ITGAE: variants seen among roughly 807,000 people sequenced by gnomAD.
ITGAE encodes integrin subunit alpha E, also known as integrin alpha-E.
ITGAE carries 99 observed loss-of-function variants against 136.5 expected under a neutral mutation model. The observed-to-expected ratio is 0.73, with a 90% CI of 0.62 to 0.86. ITGAE has a LOEUF of 0.86. Ranked by LOEUF, ITGAE falls within the 40% of genes least tolerant of loss-of-function variation. The pLI is 0.00. For synonymous variants in ITGAE, 613 were observed against 591.8 expected (o/e 1.04, Z -0.52); for missense variants, 1,447 against 1,515.3 (o/e 0.95, Z 0.75).
intron 20 of ITGAE, 111 bp from the exon 21 acceptor site, chr17:3,735,060 C>G (rs2051431371): frequency 1.7e-6 from 2 of 1,204,726 alleles, no homozygotes; most frequent in Non-Finnish European, 2.4e-6. Flanking sequence ...GTGCAATGAT[C>G]ACGGCTCACC....
intron 8 of ITGAE, among the ~76,000 whole-genome samples, chr17:3,759,044 G>A (rs1391859725): frequency 6.6e-6 from 1 of 150,422 alleles, no homozygotes; most frequent in Admixed American, 6.7e-5. Flanking sequence ...AGAATGGTGT[G>A]AACCTGGGAG....
At chr17:3,744,296 G>A (rs2051659982) in intron 18 of ITGAE, among the ~76,000 whole-genome samples, 1 of 152,138 alleles carries the variant, frequency 6.6e-6, no homozygotes, top group Non-Finnish European at 1.5e-5. Context: ...CAAGCAAGCT[G>A]CCAAGTGCTT....
intron 9 of ITGAE, 122 bp from the exon 10 acceptor site, chr17:3,757,256 T>C: frequency 8.2e-7 from 1 of 1,218,766 alleles, no homozygotes; most frequent in Non-Finnish European, 1.2e-6. Context: ...CCTTCCTTTC[T>C]CCTCCTTTCC....
At chr17:3,731,007 G>A in intron 23 of ITGAE, 97 bp downstream of exon 23, 1 of 933,842 alleles carries the variant, frequency 1.1e-6, no homozygotes, top group Non-Finnish European at 1.7e-6. Flanking sequence ...TTTCTCCCTG[G>A]GCTGTAAGGG....
At position 3,718,273 on chromosome 17, in the gene ITGAE, T is replaced by G. The variant is rs535501925; in HGVS notation, c.3334-1475A>C. 6 of 152,366 alleles carry G rather than the reference T, an allele frequency of 3.9e-5. No individual in the cohort carries two copies. The South Asian group carries it at 1.2e-3, about 32-fold the overall frequency. The allele number at this position is 152,366 out of a possible 1,614,324, so 9.4% of individuals were successfully genotyped here. A position where few individuals can be genotyped will look rare whatever the true frequency, so the allele number is the denominator to read the frequency against. On this transcript the variant is annotated intron_variant, in intron 29 of 30. Coordinates refer to ENST00000263087, the MANE Select transcript of ITGAE (RefSeq NM_002208.5). ...TCTCCTGGGAGCTTTTGGAAACTGTTTCATCCCTGAAAAGGGAAGGCACAT... is the reference window on the plus strand; with the variant it reads ...TCTCCTGGGAGCTTTTGGAAACTGTGTCATCCCTGAAAAGGGAAGGCACAT...
intron 1 of ITGAE, among the ~76,000 whole-genome samples, chr17:3,785,938 C>T (rs1442955706): frequency 6.6e-6 from 1 of 151,830 alleles, no homozygotes; most frequent in Non-Finnish European, 1.5e-5. Context: ...GAGGCCGAGG[C>T]GGGCGGATCA....
chr17:3,723,462 G>A, intron 27 of ITGAE, 79 bp from the exon 28 acceptor site: 1 of 1,117,400 alleles, frequency 8.9e-7, no homozygotes. Context: ...CGGACACAGA[G>A]CATCGTAAGG....
chr17:3,778,558 G>A (rs1445394351), intron 1 of ITGAE, among the ~76,000 whole-genome samples: 1 of 148,578 alleles, frequency 6.7e-6, no homozygotes, highest in Non-Finnish European at 1.5e-5. Flanking sequence ...GCAAGACTCC[G>A]TCTCAAAACA....
In ITGAE at chr17:3,757,801, C is replaced by A. The variant is rs2052066447; in HGVS notation, c.925G>T (p.Val309Leu). The A allele has an allele frequency of 6.2e-7, 1 of 1,614,148 alleles. No individual in the cohort carries two copies. Among genetic ancestry groups the A allele is most frequent in the African/African-American group, 1.3e-5 (1 of 75,032 alleles). The change falls in exon 9 of 31, where the codon GTG becomes TTG. Residue 309 changes from valine to leucine, a missense_variant. Physicochemically the swap from Val to Leu is conservative, Grantham distance 32. Around this residue, in one of 3 missense-constraint regions of ITGAE, gnomAD observed 310 missense variants for 416.1 expected, o/e 0.74. Coordinates refer to ENST00000263087, the MANE Select transcript of ITGAE (RefSeq NM_002208.5). ...TCGAATATGCCACCATCGGTGAGCA[C>A]CACCATGACCTTGGATGCCTTTCTC... ...SRRKASKVMVVLTDGGIFEDP... is the reference protein window; with the variant it reads ...SRRKASKVMVLLTDGGIFEDP...
At chr17:3,728,314 C>T in intron 24 of ITGAE, 146 bp from the exon 25 acceptor site, 1 of 682,708 alleles carries the variant, frequency 1.5e-6, no homozygotes. Context: ...AGTGATCCTC[C>T]ACCTCAGCCT....
At chr17:3,784,403 CTTT>C in intron 1 of ITGAE, 1 of 231,128 alleles carries the variant, frequency 4.3e-6, no homozygotes. Flanking sequence ...AAACATTTTT[CTTT>C]TTTTTTTGAG....
chr17:3,715,391 G>A (rs1436096162), intron 30 of ITGAE, among the ~76,000 whole-genome samples: 1 of 152,096 alleles, frequency 6.6e-6, no homozygotes. Flanking sequence ...TTTCTAGAAG[G>A]GAGCTCACAG....
chr17:3,791,024 G>A (rs1597372388), intron 1 of ITGAE, among the ~76,000 whole-genome samples: 1 of 151,700 alleles, frequency 6.6e-6, no homozygotes, highest in South Asian at 2.1e-4. Flanking sequence ...GCGTGGTGGT[G>A]GGCGCCTCTA....
intron 12 of ITGAE, 143 bp from the exon 13 acceptor site, chr17:3,754,068 A>C: frequency 1.1e-6 from 1 of 929,992 alleles, no homozygotes; most frequent in Non-Finnish European, 1.6e-6. Context: ...TCACTATGTT[A>C]AAAATCGGCA....
intron 29 of ITGAE, among the ~76,000 whole-genome samples, chr17:3,719,179 T>G (rs527723536): frequency 7.4e-6 from 1 of 135,746 alleles, no homozygotes; most frequent in African/African-American, 2.9e-5. Flanking sequence ...GAGGTTGCAG[T>G]GAGCCGAGAT....
intron 1 of ITGAE, among the ~76,000 whole-genome samples, chr17:3,785,243 C>T (rs948111454): frequency 2.0e-5 from 3 of 152,042 alleles, no homozygotes; most frequent in Admixed American, 6.6e-5. Context: ...CCGAGGCAGG[C>T]GGATCACTTG....
At chr17:3,771,504 G>A (rs571923981) in intron 2 of ITGAE, among the ~76,000 whole-genome samples, 2 of 151,394 alleles carry the variant, frequency 1.3e-5, no homozygotes, top group Non-Finnish European at 2.9e-5. Context: ...TGTTCACTGC[G>A]CTGCATGCTT....
At chr17:3,793,500 C>A (rs1050681388) in intron 1 of ITGAE, among the ~76,000 whole-genome samples, 2 of 152,232 alleles carry the variant, frequency 1.3e-5, no homozygotes, top group Non-Finnish European at 2.9e-5. Flanking sequence ...AGACTCCCTA[C>A]TGGGCATCCC....
chr17:3,772,086 T>A (rs7215643), intron 2 of ITGAE, among the ~76,000 whole-genome samples: 20,455 of 152,150 alleles, frequency 0.13, 1,840 homozygotes, highest in African/African-American at 0.25. Context: ...CTGACCTTAC[T>A]CAGCCGGCCT....
Sources: allele counts gnomAD v4.1 joint callset (sites outside exome capture counted in the v4.1 genomes callset), GRCh38; gene constraint gnomAD v4.1.1; regional missense constraint gnomAD v4.1.1; transcripts MANE v1.5; gene names NCBI Gene and HGNC (gene_info 2026-07-23, HGNC 2026-07-21).